The following MAGT1 variants were observed in gnomAD, a reference collection of about 807,000 sequenced individuals.
MAGT1 encodes the protein dolichyl-diphosphooligosaccharide--protein glycosyltransferase subunit MAGT1.
MAGT1 carries 4 observed loss-of-function variants against 28.4 expected under a neutral mutation model. That is an observed-to-expected ratio of 0.14 (90% CI 0.07 to 0.32). MAGT1 has a LOEUF of 0.32. Ranked by LOEUF, MAGT1 falls within the 10% of genes least tolerant of loss-of-function variation. The pLI is 1.00. For missense variants in MAGT1, 193 were observed against 264.5 expected, an observed-to-expected ratio of 0.73 and a Z score of 1.88; for synonymous variants, 89 against 89.7, an observed-to-expected ratio of 0.99 and a Z score of 0.04.
chrX:77,885,200 G>T (rs1453023494), intron 1 of MAGT1, among the ~76,000 whole-genome samples: 2 of 109,427 alleles, frequency 1.8e-5, no homozygotes, highest in African/African-American at 3.3e-5. Context: ...AAATAACTGG[G>T]ACTACAAGTA....
chrX:77,858,812 T>C (rs1045434886), intron 3 of MAGT1, among the ~76,000 whole-genome samples: 4 of 112,180 alleles, frequency 3.6e-5, no homozygotes, highest in Non-Finnish European at 7.5e-5. Context: ...AACCAAATCT[T>C]ATACAATGTT....
At chrX:77,840,960 T>C (rs1453878136) in intron 8 of MAGT1, among the ~76,000 whole-genome samples, 8 of 111,953 alleles carry the variant, frequency 7.1e-5, no homozygotes, top group African/African-American at 2.6e-4. Flanking sequence ...ATATATACAG[T>C]TTTTAAGGTT....
Position 77,856,976 on chromosome X carries a change from T to C in MAGT1, c.532-103A>G, listed in dbSNP as rs782340779. ...TGAAAGCAATCAAAATTATTGTGGT[T>C]ACTTTCGGAAAAATGATCCTTTTTA... On this transcript the variant is annotated intron_variant, in intron 4 of 9. Transcript: ENST00000618282. The C allele has an allele frequency of 9.0e-5, 69 of 768,178 alleles. No homozygotes were observed. The African/African-American group carries it at 1.2e-3, about 13-fold the overall frequency. The allele number at this position is 768,178 out of a possible 1,213,427, so 63.3% of individuals were successfully genotyped here.
intron 7 of MAGT1, among the ~76,000 whole-genome samples, chrX:77,849,505 C>G (rs967339338): frequency 2.2e-4 from 24 of 111,147 alleles, no homozygotes; most frequent in African/African-American, 7.5e-4. Flanking sequence ...ATGGAAAATG[C>G]TCTGAGATGT....
In MAGT1 at chrX:77,853,953, A is replaced by G; in HGVS notation, c.774T>C (p.His258=). The change falls in exon 7 of 10, where the codon CAT becomes CAC. Residue 258 remains histidine, a synonymous_variant. Transcript: ENST00000618282. ...CTACAAACTGGGCTTGACTGCTTCC[A>G]TGGATATAATTCTAGGAGGGAAAAA... ...NPHTGHVNYI[H]GSSQAQFVAE... 8.3e-7 allele frequency: 1 copy of G among 1,201,587 alleles called. No individual in the cohort carries two copies. Among genetic ancestry groups the G allele is most frequent in the Non-Finnish European group, 1.1e-6 (1 of 886,347 alleles).
chrX:77,875,662 A>T, intron 1 of MAGT1, 65 bp from the exon 2 acceptor site: 1 of 1,097,439 alleles, frequency 9.1e-7, no homozygotes, highest in Non-Finnish European at 1.3e-6. Context: ...TCTTTTAATG[A>T]GGCAGCTTAC....
At chrX:77,844,809 C>T (rs189910955) in intron 7 of MAGT1, among the ~76,000 whole-genome samples, 79 of 111,662 alleles carry the variant, frequency 7.1e-4, no homozygotes, top group African/African-American at 1.4e-3. Context: ...GTCTGAGAGA[C>T]AGTTTGTTAT....
Position 77,828,878 on chromosome X carries a change from TG to T in MAGT1, c.*341del. 5.7e-6 allele frequency: 1 copy of T among 176,949 alleles called. No homozygotes were observed. Among genetic ancestry groups the T allele is most frequent in the Non-Finnish European group, 1.1e-5 (1 of 94,701 alleles). 14.6% of individuals were successfully genotyped at this position (176,949 alleles called of 1,213,427 possible). A position where few individuals can be genotyped will look rare whatever the true frequency, so the allele number is the denominator to read the frequency against. On this transcript the variant is annotated 3_prime_UTR_variant, in exon 10 of 10. Coordinates refer to ENST00000618282, the MANE Select transcript of MAGT1 (RefSeq NM_001367916.1). ...TTGGATAAGGCAATATAAAATCAGA[TG>T]ACCAAGTTAACTAAAGTAGTTTTGA...
At chrX:77,870,785 G>A in intron 3 of MAGT1, 23 bp downstream of exon 3, 2 of 1,007,542 alleles carry the variant, frequency 2.0e-6, no homozygotes, top group Middle Eastern at 2.6e-4. Flanking sequence ...TTTTTATATA[G>A]CAGAATAAAC....
At chrX:77,845,302 C>T (rs2076948104) in intron 7 of MAGT1, among the ~76,000 whole-genome samples, 1 of 111,454 alleles carries the variant, frequency 9.0e-6, no homozygotes, top group Non-Finnish European at 1.9e-5. Context: ...GGTAGATCTT[C>T]CTCCATCCCT....
At chrX:77,869,084 C>T (rs369137447) in intron 3 of MAGT1, among the ~76,000 whole-genome samples, 1 of 111,431 alleles carries the variant, frequency 9.0e-6, no homozygotes, top group Non-Finnish European at 1.9e-5. Context: ...CTGGCAATCT[C>T]GGCTCACTGG....
At chrX:77,870,737 T>C in intron 3 of MAGT1, 71 bp downstream of exon 3, 1 of 766,884 alleles carries the variant, frequency 1.3e-6, no homozygotes, top group Admixed American at 2.2e-5. Flanking sequence ...TTATAGCCAC[T>C]GAAAAAAATA....
At chrX:77,891,952 CTT>C (rs1199895561) in intron 1 of MAGT1, among the ~76,000 whole-genome samples, 1 of 104,619 alleles carries the variant, frequency 9.6e-6, no homozygotes, top group African/African-American at 3.4e-5. Context: ...TATATGCACA[CTT>C]TTTTTTTTTT....
chrX:77,881,867 T>C (rs1677549442), intron 1 of MAGT1, among the ~76,000 whole-genome samples: 1 of 111,465 alleles, frequency 9.0e-6, no homozygotes, highest in African/African-American at 3.3e-5. Flanking sequence ...TAGACCAATA[T>C]CTCTGATGAA....
intron 1 of MAGT1, among the ~76,000 whole-genome samples, chrX:77,893,133 G>A (rs1418173874): frequency 8.9e-6 from 1 of 111,822 alleles, no homozygotes; most frequent in African/African-American, 3.3e-5. Context: ...TGCAGCCTGT[G>A]TAAGAGGCCC....
At chrX:77,843,514 G>A (rs1187349930) in intron 7 of MAGT1, among the ~76,000 whole-genome samples, 2 of 111,272 alleles carry the variant, frequency 1.8e-5, no homozygotes, top group Non-Finnish European at 3.8e-5. Context: ...GGAATTACAG[G>A]CGTGAACCAA....
chrX:77,888,635 A>G (rs1275970096), intron 1 of MAGT1, among the ~76,000 whole-genome samples: 1 of 111,639 alleles, frequency 9.0e-6, no homozygotes, highest in Non-Finnish European at 1.9e-5. Flanking sequence ...CTCATCAAAA[A>G]TGGAATATAG....
chrX:77,884,398 A>G (rs2077061601), intron 1 of MAGT1, among the ~76,000 whole-genome samples: 1 of 111,468 alleles, frequency 9.0e-6, no homozygotes, highest in East Asian at 2.8e-4. Context: ...TTTATAGAAT[A>G]TATAATTAAG....
At chrX:77,832,647 G>A (rs781788506) in intron 8 of MAGT1, among the ~76,000 whole-genome samples, 311 of 109,029 alleles carry the variant, frequency 2.9e-3, no homozygotes, top group Non-Finnish European at 4.8e-3. Flanking sequence ...TGGCCAAGAT[G>A]ATGAAGCCCC....
Sources: allele counts gnomAD v4.1 joint callset (sites outside exome capture counted in the v4.1 genomes callset), GRCh38; gene constraint gnomAD v4.1.1; transcripts MANE v1.5; gene names NCBI Gene and HGNC (gene_info 2026-07-23, HGNC 2026-07-21).